SNAP47: variants seen among roughly 807,000 people sequenced by gnomAD.
The protein encoded by SNAP47 is synaptosome associated protein 47.
In SNAP47, 20 loss-of-function variants were observed where a neutral mutation model predicts 31.4. That is an observed-to-expected ratio of 0.64 (90% CI 0.45 to 0.93). The LOEUF (loss-of-function observed/expected upper bound fraction) is 0.93. SNAP47 is among the 40% of genes least tolerant of loss of function. The probability of loss-of-function intolerance (pLI) is 0.00; values close to 1 mark genes in which losing one functional copy is unlikely to be tolerated. For synonymous variants in SNAP47, 194 were observed against 213.4 expected (o/e 0.91, Z 0.79); for missense variants, 492 against 528.5 (o/e 0.93, Z 0.68).
At chr1:227,776,153 G>C in intron 4 of SNAP47, 2 of 1,164,902 alleles carry the variant, frequency 1.7e-6, no homozygotes, top group Non-Finnish European at 2.2e-6. Context: ...GGTCCCACAA[G>C]CCGCTCAGGA....
rs754971948 is a variant in SNAP47, at chr1:227,735,477, G to A, written c.-68G>A. 4.2e-6 allele frequency: 6 copies of A among 1,429,640 alleles called. No individual in the cohort carries two copies. The highest frequency in any genetic ancestry group is 1.9e-4 in the Middle Eastern group (1 of 5,158). 88.6% of individuals were successfully genotyped at this position (1,429,640 alleles called of 1,614,324 possible). A position where few individuals can be genotyped will look rare whatever the true frequency, so the allele number is the denominator to read the frequency against. ...CGGCCGAGGCGCCGCGGTCGGCTCT[G>A]GGACTCGTCTGGCGTCCCTCAGGTG... On this transcript the variant is annotated 5_prime_UTR_variant, in exon 1 of 5. Transcript: ENST00000617596.
At chr1:227,771,553 G>A (rs553390893) in intron 4 of SNAP47, among the ~76,000 whole-genome samples, 1 of 152,200 alleles carries the variant, frequency 6.6e-6, no homozygotes, top group African/African-American at 2.4e-5. Flanking sequence ...GAGTGGAGGC[G>A]GCATCACAGG....
In SNAP47 at chr1:227,736,520, T is replaced by G. The variant is rs1384414303; in HGVS notation, c.-46+1021T>G. The G allele has an allele frequency of 1.4e-4, 18 of 132,924 alleles. No individual in the cohort carries two copies. The East Asian group carries it at 2.5e-3, about 18-fold the overall frequency. 8.2% of individuals were successfully genotyped at this position (132,924 alleles called of 1,614,324 possible). ...CAGAGCAGTTTTTTTTTTTTTTTTT[T>G]TTTTTTTTTTTTTTTTTGAGACAGT... On this transcript the variant is annotated intron_variant, in intron 1 of 4. Coordinates refer to ENST00000617596, the MANE Select transcript of SNAP47 (RefSeq NM_053052.4).
intron 3 of SNAP47, 33 bp from the exon 4 acceptor site, chr1:227,766,926 G>A: frequency 6.2e-7 from 1 of 1,611,530 alleles, no homozygotes; most frequent in Non-Finnish European, 8.5e-7. Context: ...AACTCCGAGA[G>A]ATGTCACTGC....
intron 1 of SNAP47, chr1:227,735,782 A>T: frequency 1.1e-6 from 1 of 925,088 alleles, no homozygotes; most frequent in Non-Finnish European, 1.3e-6. Flanking sequence ...GATCTAGCGG[A>T]GATGGTAGGG....
chr1:227,780,795 C>T lies in SNAP47; in HGVS notation c.*122C>T. ...CGGAGTGGTCTTCCTCTGGATGGGG[C>T]TGCTACTGTGGGGCTGCTTCTGCAC... On this transcript the variant is annotated 3_prime_UTR_variant, in exon 5 of 5. Transcript: ENST00000617596. 7.2e-7 allele frequency: 1 copy of T among 1,383,268 alleles called. No homozygotes were observed. The highest frequency in any genetic ancestry group is 9.8e-7 in the Non-Finnish European group (1 of 1,024,350). The allele number at this position is 1,383,268 out of a possible 1,614,324, so 85.7% of individuals were successfully genotyped here.
chr1:227,743,831 C>T (rs1571993471), intron 1 of SNAP47: 1 of 152,354 alleles, frequency 6.6e-6, no homozygotes, highest in East Asian at 1.9e-4. Flanking sequence ...TCTACAGCAT[C>T]CCTCGAACCC....
intron 1 of SNAP47, among the ~76,000 whole-genome samples, chr1:227,744,797 T>C (rs978632142): frequency 6.6e-6 from 1 of 152,142 alleles, no homozygotes; most frequent in African/African-American, 2.4e-5. Context: ...TCCTGGGTGC[T>C]CCCAGGGATA....
chr1:227,752,339 A>G (rs912268783), intron 2 of SNAP47, among the ~76,000 whole-genome samples: 3 of 152,074 alleles, frequency 2.0e-5, no homozygotes, highest in Non-Finnish European at 4.4e-5. Context: ...TGCAGCTACC[A>G]TGTCATTACT....
intron 2 of SNAP47, among the ~76,000 whole-genome samples, chr1:227,750,739 G>C (rs970452380): frequency 6.6e-6 from 1 of 152,230 alleles, no homozygotes; most frequent in South Asian, 2.1e-4. Flanking sequence ...CTGGAGGGGA[G>C]GCTGTGGGTG....
At position 227,763,907 on chromosome 1, in the gene SNAP47, A is replaced by G. The variant is rs1184377913; in HGVS notation, c.989-3052A>G. ...CAGGTGCAGGCAGCCCCTCCTCAGC[A>G]CTGGCAGTGAAGACAGAGCTGTGTC... On this transcript the variant is annotated intron_variant, in intron 3 of 4. Transcript: ENST00000617596. The surrounding 1 kb of genome is among the most constrained non-coding windows in gnomAD (Gnocchi z 4.2). Among the ~76,000 whole-genome samples, 1 of 152,172 alleles carries G rather than the reference A, an allele frequency of 6.6e-6. No homozygotes were observed. Among genetic ancestry groups the G allele is most frequent in the African/African-American group, 2.4e-5 (1 of 41,450 alleles).
chr1:227,744,286 C>T lies in SNAP47; in HGVS notation c.-45-3406C>T, dbSNP rs75317007. Among the ~76,000 whole-genome samples, 683 of 151,648 alleles carry T rather than the reference C, an allele frequency of 4.5e-3. 5 individuals are homozygous for T. Among genetic ancestry groups the T allele is most frequent in the African/African-American group, 0.015 (630 of 41,324 alleles). ...ACTGGTGATTAGTGATCAGTTCACA[C>T]GAGCAATGAGAGCTGGTGATCTGGA... On this transcript the variant is annotated intron_variant, in intron 1 of 4. Transcript: ENST00000617596.
chr1:227,758,919 C>T (rs1234952063), intron 2 of SNAP47, 76 bp from the exon 3 acceptor site: 2 of 1,507,068 alleles, frequency 1.3e-6, no homozygotes, highest in East Asian at 4.5e-5. Flanking sequence ...AAGGTTAAAA[C>T]CGTTTTCCAA....
At chr1:227,744,019 C>T (rs80044619) in intron 1 of SNAP47, 11,891 of 152,244 alleles carry the variant, frequency 0.078, 560 homozygotes, top group Middle Eastern at 0.17. Context: ...TGTGAAGTGG[C>T]GTGGTATCAC....
At position 227,762,101 on chromosome 1, in the gene SNAP47, G is replaced by A. The variant is rs949226479; in HGVS notation, c.988+2616G>A. 6.6e-6 allele frequency among the ~76,000 whole-genome samples: 1 copy of A among 152,238 alleles called. No individual in the cohort carries two copies. The highest frequency in any genetic ancestry group is 1.5e-5 in the Non-Finnish European group (1 of 68,044). On this transcript the variant is annotated intron_variant, in intron 3 of 4. Coordinates refer to ENST00000617596, the MANE Select transcript of SNAP47 (RefSeq NM_053052.4). This position sits in a 1 kb window ranked among gnomAD's most constrained non-coding sequence, Gnocchi z 4.2. Reference sequence around the variant, plus strand: ...CTGCACCCGGCCCGTGGTGTTTTGAGTACCTGGGGCAGCCATCTTGCCATG... The same window carrying A: ...CTGCACCCGGCCCGTGGTGTTTTGAATACCTGGGGCAGCCATCTTGCCATG...
At chr1:227,734,848 C>T (rs202057877), upstream of SNAP47, 17 of 1,612,366 alleles carry the variant, frequency 1.1e-5, no homozygotes, top group Middle Eastern at 5.9e-4. Flanking sequence ...ATGCCATCTC[C>T]CTGGGCCCCG....
upstream of SNAP47, chr1:227,733,554 A>G: frequency 6.2e-7 from 1 of 1,606,584 alleles, no homozygotes; most frequent in Non-Finnish European, 8.5e-7. Context: ...GTCACGTCGT[A>G]GGGCAGGTTG....
At chr1:227,735,690 G>C in intron 1 of SNAP47, 191 bp downstream of exon 1, 8 of 984,836 alleles carry the variant, frequency 8.1e-6, no homozygotes, top group Non-Finnish European at 9.6e-6. Context: ...GGAGTGCGGC[G>C]GTGCGGGGGC....
upstream of SNAP47, chr1:227,733,248 G>A (rs1660793914): frequency 1.1e-6 from 1 of 885,410 alleles, no homozygotes; most frequent in Non-Finnish European, 1.7e-6. Flanking sequence ...GACCGGCAGT[G>A]GGTGAAACAG....
Sources: gnomAD v4.1 joint callset for allele counts (sites outside exome capture counted in the v4.1 genomes callset) on GRCh38, gnomAD v4.1.1 for gene constraint, Gnocchi (gnomAD v3.1) non-coding constraint, MANE v1.5 for transcripts, NCBI Gene and HGNC (gene_info 2026-07-23, HGNC 2026-07-21) for gene names.